ATRNL1: variants seen among roughly 807,000 people sequenced by gnomAD.
ATRNL1 encodes attractin-like protein 1.
A neutral mutation model predicts 182.7 loss-of-function variants in ATRNL1; 95 were observed. The ratio of observed to expected loss-of-function variants is 0.52; its 90% confidence interval spans 0.44 to 0.62. ATRNL1 has a LOEUF of 0.62. Ranked by LOEUF, ATRNL1 falls within the 20% of genes least tolerant of loss-of-function variation. ATRNL1 has a pLI of 0.00. For missense variants in ATRNL1, 1,471 were observed against 1,679.5 expected (o/e 0.88, Z 2.17); for synonymous variants, 576 against 568.3 (o/e 1.01, Z -0.19).
intron 28 of ATRNL1, among the ~76,000 whole-genome samples, chr10:115,932,699 T>TTATTTTTAAA (rs1953438634): frequency 6.6e-6 from 1 of 152,252 alleles, no homozygotes; most frequent in Non-Finnish European, 1.5e-5. Context: ...TATTTTCTAT[T>TTATTTTTAAA]TATTTTAATG....
At chr10:115,329,723 G>C (rs1348943894) in intron 18 of ATRNL1, among the ~76,000 whole-genome samples, 1 of 151,996 alleles carries the variant, frequency 6.6e-6, no homozygotes, top group Non-Finnish European at 1.5e-5. Flanking sequence ...CCATTTGCGT[G>C]CAATATGTTT....
At chr10:115,444,367 T>C (rs1320374608) in intron 21 of ATRNL1, among the ~76,000 whole-genome samples, 3 of 151,514 alleles carry the variant, frequency 2.0e-5, no homozygotes, top group Non-Finnish European at 4.4e-5. Flanking sequence ...TAAGATAATC[T>C]CCAAATAAAA....
chr10:115,241,755 G>T, intron 10 of ATRNL1, 30 bp downstream of exon 10: 1 of 1,564,388 alleles, frequency 6.4e-7, no homozygotes, highest in Non-Finnish European at 8.7e-7. Flanking sequence ...GTACAAAGTA[G>T]GAAATATCAG....
intron 5 of ATRNL1, among the ~76,000 whole-genome samples, chr10:115,145,671 G>A (rs1845941238): frequency 6.6e-6 from 1 of 152,068 alleles, no homozygotes; most frequent in African/African-American, 2.4e-5. Flanking sequence ...TTGAAATCTT[G>A]TTTTGACTTT....
At chr10:115,519,503 T>G (rs1850809571) in intron 25 of ATRNL1, among the ~76,000 whole-genome samples, 179 bp downstream of exon 25, 1 of 152,140 alleles carries the variant, frequency 6.6e-6, no homozygotes, top group African/African-American at 2.4e-5. Flanking sequence ...TGAAATGTAC[T>G]TGTGCAAGAT....
chr10:115,760,325 T>C (rs1420233936), intron 27 of ATRNL1, among the ~76,000 whole-genome samples: 2 of 151,356 alleles, frequency 1.3e-5, no homozygotes, highest in African/African-American at 4.9e-5. Context: ...TAAATTTTAT[T>C]GTGATGACAT....
At chr10:115,933,491 G>A (rs1384120695) in intron 28 of ATRNL1, among the ~76,000 whole-genome samples, 2 of 152,154 alleles carry the variant, frequency 1.3e-5, no homozygotes, top group African/African-American at 4.8e-5. Flanking sequence ...CTCTGCTGCC[G>A]CCCACAAGCA....
chr10:115,577,061 T>G (rs2133875764), intron 26 of ATRNL1, among the ~76,000 whole-genome samples: 1 of 152,070 alleles, frequency 6.6e-6, no homozygotes, highest in South Asian at 2.1e-4. Flanking sequence ...AGTTTATTTC[T>G]GAAGCTCTCT....
At chr10:115,356,143 G>A (rs1856495446) in intron 19 of ATRNL1, among the ~76,000 whole-genome samples, 1 of 152,014 alleles carries the variant, frequency 6.6e-6, no homozygotes, top group African/African-American at 2.4e-5. Flanking sequence ...CTAAGATGAG[G>A]AAATTTTTCA....
chr10:115,611,054 C>CTGTTTT (rs151223046), intron 26 of ATRNL1, among the ~76,000 whole-genome samples: 1 of 147,050 alleles, frequency 6.8e-6, no homozygotes, highest in Admixed American at 6.8e-5. Context: ...TTTCAAAGGA[C>CTGTTTT]TTTTTTTTTT....
At chr10:115,594,230 T>G (rs1219235632) in intron 26 of ATRNL1, among the ~76,000 whole-genome samples, 1 of 152,242 alleles carries the variant, frequency 6.6e-6, no homozygotes, top group East Asian at 1.9e-4. Context: ...TACATATATA[T>G]GCATGATATC....
chr10:115,460,796 T>C (rs1847757881), intron 21 of ATRNL1, among the ~76,000 whole-genome samples: 1 of 152,184 alleles, frequency 6.6e-6, no homozygotes, highest in Admixed American at 6.6e-5. Flanking sequence ...AGACTGATGT[T>C]CATTCAGTAG....
At chr10:115,170,917 G>T (rs1847263096) in intron 7 of ATRNL1, 120 bp from the exon 8 acceptor site, 3 of 503,258 alleles carry the variant, frequency 6.0e-6, no homozygotes, top group African/African-American at 2.0e-5. Context: ...TGAGAACAAT[G>T]CCTTATGCAT....
At chr10:115,601,941 C>G (rs782806260) in intron 26 of ATRNL1, among the ~76,000 whole-genome samples, 1 of 151,234 alleles carries the variant, frequency 6.6e-6, no homozygotes, top group Non-Finnish European at 1.5e-5. Flanking sequence ...TCATTTCCCC[C>G]CTTTTTTCAG....
chr10:115,285,798 A>C (rs1165461306), intron 14 of ATRNL1, among the ~76,000 whole-genome samples: 1 of 152,090 alleles, frequency 6.6e-6, no homozygotes, highest in East Asian at 1.9e-4. Flanking sequence ...GAGGTCAATT[A>C]GCTTCACTTA....
intron 28 of ATRNL1, among the ~76,000 whole-genome samples, chr10:115,906,504 C>T (rs1555114581): frequency 1.3e-5 from 2 of 152,102 alleles, no homozygotes; most frequent in South Asian, 2.1e-4. Context: ...TAACAAATGC[C>T]TTTATTCAAA....
intron 24 of ATRNL1, among the ~76,000 whole-genome samples, chr10:115,517,988 T>C (rs1372217568): frequency 6.6e-6 from 1 of 151,958 alleles, no homozygotes. Flanking sequence ...TGTTTCATAA[T>C]TCAATAGCTT....
chr10:115,523,298 A>G (rs1554985725), intron 25 of ATRNL1, among the ~76,000 whole-genome samples: 16 of 152,146 alleles, frequency 1.1e-4, no homozygotes, highest in Non-Finnish European at 1.5e-5. Context: ...TTGGTCTGTG[A>G]TGGGAAGCCC....
At chr10:115,911,592 C>G (rs7077394) in intron 28 of ATRNL1, among the ~76,000 whole-genome samples, 150,281 of 152,306 alleles carry the variant, frequency 0.99, 74,170 homozygotes, top group East Asian at 1. Flanking sequence ...GGGATTAAAG[C>G]CGTGAGCCAC....
Sources: gnomAD v4.1 joint callset for allele counts (sites outside exome capture counted in the v4.1 genomes callset) on GRCh38, gnomAD v4.1.1 for gene constraint, MANE v1.5 for transcripts, NCBI Gene and HGNC (gene_info 2026-07-23, HGNC 2026-07-21) for gene names.